The following TUBA1B variants were observed in gnomAD, a reference collection of about 807,000 sequenced individuals.
TUBA1B encodes tubulin alpha-1B chain.
Under a neutral mutation model 34.4 loss-of-function variants are expected in TUBA1B, and 1 was observed. The observed-to-expected ratio is 0.03, with a 90% CI of 0.01 to 0.14. TUBA1B has a LOEUF of 0.14. Ranked by LOEUF, TUBA1B falls within the 10% of genes least tolerant of loss-of-function variation. The probability of loss-of-function intolerance (pLI) is 1.00; values close to 1 mark genes in which losing one functional copy is unlikely to be tolerated. For synonymous variants in TUBA1B, 197 were observed against 212.5 expected, an observed-to-expected ratio of 0.93 and a Z score of 0.64; for missense variants, 54 against 583.6, an observed-to-expected ratio of 0.09 and a Z score of 9.35.
In TUBA1B at chr12:49,128,976, G is replaced by C; in HGVS notation, c.376-38C>G. On this transcript the variant is annotated intron_variant, in intron 3 of 3. Transcript: ENST00000336023. The surrounding 1 kb of genome is among the most constrained non-coding windows in gnomAD (Gnocchi z 8.1). Reference sequence around the variant, plus strand: ...AAAAAAATGTAATATTTTAATGCCAGGACACATTATCTTAGAATTTCTATT... The same window carrying C: ...AAAAAAATGTAATATTTTAATGCCACGACACATTATCTTAGAATTTCTATT... 2.6e-6 allele frequency: 4 copies of C among 1,562,388 alleles called. No individual in the cohort carries two copies. Among genetic ancestry groups the C allele is most frequent in the Non-Finnish European group, 3.5e-6 (4 of 1,158,556 alleles).
In TUBA1B at chr12:49,131,312, A is replaced by G. The variant is rs1485963994; in HGVS notation, c.-12T>C. The G allele has an allele frequency of 1.9e-6, 3 of 1,610,862 alleles. No individual in the cohort carries two copies. Among genetic ancestry groups the G allele is most frequent in the Non-Finnish European group, 2.5e-6 (3 of 1,178,764 alleles). On this transcript the variant is annotated 5_prime_UTR_variant, in exon 1 of 4. Coordinates refer to ENST00000336023, the MANE Select transcript of TUBA1B (RefSeq NM_006082.3). Reference sequence around the variant, plus strand: ...GGCTTACTCACCATAGTGGCTAGGGATTAGGAGGCGAAGGCGACAGGAGCA... The same window carrying G: ...GGCTTACTCACCATAGTGGCTAGGGGTTAGGAGGCGAAGGCGACAGGAGCA...
rs897102329 is a variant in TUBA1B at position 49,129,159 on chromosome 12, G to A, written c.375+83C>T. ...ATTCCACATTTTGGTAGGTGCCAAA[G>A]AATGAATGATGTCAGTCACTCCACC... On this transcript the variant is annotated intron_variant, in intron 3 of 3. Coordinates refer to ENST00000336023, the MANE Select transcript of TUBA1B (RefSeq NM_006082.3). 4.0e-4 allele frequency: 648 copies of A among 1,608,910 alleles called. 6 individuals are homozygous for A. The highest frequency in any genetic ancestry group is 7.3e-5 in the Non-Finnish European group (86 of 1,177,700).
chr12:49,129,972 A>C, intron 1 of TUBA1B: 1 of 994,604 alleles, frequency 1.0e-6, no homozygotes, highest in Non-Finnish European at 1.4e-6. Context: ...TGTGGAGATG[A>C]GGTCTGGCTG....
chr12:49,131,389 A>T lies in TUBA1B; in HGVS notation c.-89T>A. On this transcript the variant is annotated 5_prime_UTR_variant, in exon 1 of 4. Coordinates refer to ENST00000336023, the MANE Select transcript of TUBA1B (RefSeq NM_006082.3). The stretch of plus-strand genomic sequence containing the variant: ...GACAAGCTAAGAGTCGAGGTAAGTA[A>T]CGCACTAGGGCGGGGCCGGCGCTGG... 1 of 1,518,624 alleles carries T rather than the reference A, an allele frequency of 6.6e-7. No individual in the cohort carries two copies. The highest frequency in any genetic ancestry group is 9.0e-7 in the Non-Finnish European group (1 of 1,107,904). 94.1% of individuals were successfully genotyped at this position (1,518,624 alleles called of 1,614,324 possible). A position where few individuals can be genotyped will look rare whatever the true frequency, so the allele number is the denominator to read the frequency against.
chr12:49,130,559 C>G (rs577260982), intron 1 of TUBA1B: 257 of 353,312 alleles, frequency 7.3e-4, no homozygotes, highest in Admixed American at 2.4e-3. Flanking sequence ...ATCCGATTTC[C>G]GTTCCCTCAA....
At position 49,131,343 on chromosome 12, in the gene TUBA1B, CG is replaced by C; in HGVS notation, c.-44del. The C allele has an allele frequency of 6.2e-7, 1 of 1,608,200 alleles. No homozygotes were observed. Among genetic ancestry groups the C allele is most frequent in the East Asian group, 2.2e-5 (1 of 44,750 alleles). On this transcript the variant is annotated 5_prime_UTR_variant, in exon 1 of 4. Coordinates refer to ENST00000336023, the MANE Select transcript of TUBA1B (RefSeq NM_006082.3). The stretch of plus-strand genomic sequence containing the variant: ...AGGCGAAGGCGACAGGAGCAGACAC[CG>C]GGTCCCGGTTACCGTCCCCGACAAG...
chr12:49,129,320 A>G lies in TUBA1B; in HGVS notation c.297T>C (p.Ala99=). The G allele has an allele frequency of 6.2e-7, 1 of 1,614,234 alleles. No individual in the cohort carries two copies. The highest frequency in any genetic ancestry group is 8.5e-7 in the Non-Finnish European group (1 of 1,180,058). Residue 99 remains alanine (A), a synonymous_variant, in exon 3 of 4, where the codon GCT becomes GCC. Coordinates refer to ENST00000336023, the MANE Select transcript of TUBA1B (RefSeq NM_006082.3). ...PEQLITGKED[A]ANNYARGHYT... is the part of the protein sequence containing the mutation. ...AGTGCCCTCGGGCATAGTTATTGGCAGCATCTTCCTTGCCTGTGATGAGCT... is the reference window on the plus strand; with the variant it reads ...AGTGCCCTCGGGCATAGTTATTGGCGGCATCTTCCTTGCCTGTGATGAGCT...
At chr12:49,130,183 T>C in intron 1 of TUBA1B, 1 of 1,249,382 alleles carries the variant, frequency 8.0e-7, no homozygotes, top group Non-Finnish European at 1.0e-6. Context: ...GCTTCCTCCT[T>C]TGGAGGACCA....
intron 3 of TUBA1B, 126 bp from the exon 4 acceptor site, chr12:49,129,064 C>T: frequency 6.6e-7 from 1 of 1,517,138 alleles, no homozygotes. Flanking sequence ...GCAAAACAGA[C>T]ATATCCACAA....
Position 49,129,927 on chromosome 12 carries a change from C to A in TUBA1B, c.4-205G>T, listed in dbSNP as rs1941782226. The A allele has an allele frequency of 1.6e-5, 17 of 1,085,734 alleles. No homozygotes were observed. The South Asian group carries it at 2.8e-4, about 18-fold the overall frequency. 67.3% of individuals were successfully genotyped at this position (1,085,734 alleles called of 1,614,324 possible). A position where few individuals can be genotyped will look rare whatever the true frequency, so the allele number is the denominator to read the frequency against. On this transcript the variant is annotated intron_variant, in intron 1 of 3. Transcript: ENST00000336023. Reference sequence around the variant, plus strand: ...TCTGGAGCAGCTGGGACCACAGGCACAGACCACCAAGCTGGCTAATTTTTT... The same window carrying A: ...TCTGGAGCAGCTGGGACCACAGGCAAAGACCACCAAGCTGGCTAATTTTTT...
chr12:49,129,779 T>G, intron 1 of TUBA1B, 57 bp from the exon 2 acceptor site: 3 of 1,610,844 alleles, frequency 1.9e-6, no homozygotes, highest in Non-Finnish European at 2.5e-6. Context: ...GACTGTCAAG[T>G]GGAACAAAAT....
Position 49,127,891 on chromosome 12 carries a change from CTG to C in TUBA1B, c.*65_*66del. ...CAATCTAACCAGAAAGCTTTAACGT[CTG>C]TCAGTTAAGCTGAAGCTGAAATTCT... is the stretch of plus-strand genomic sequence containing the variant. On this transcript the variant is annotated 3_prime_UTR_variant, in exon 4 of 4. Coordinates refer to ENST00000336023, the MANE Select transcript of TUBA1B (RefSeq NM_006082.3). 1 of 1,610,670 alleles carries C rather than the reference CTG, an allele frequency of 6.2e-7. No individual in the cohort carries two copies. Among genetic ancestry groups the C allele is most frequent in the Non-Finnish European group, 8.5e-7 (1 of 1,177,606 alleles).
chr12:49,130,646 G>A (rs1941793112), intron 1 of TUBA1B: 2 of 335,120 alleles, frequency 6.0e-6, no homozygotes, highest in South Asian at 4.6e-5. Context: ...ACAGACTGTT[G>A]TGTACGAACT....
intron 1 of TUBA1B, chr12:49,130,121 T>TC: frequency 8.3e-7 from 1 of 1,199,010 alleles, no homozygotes; most frequent in South Asian, 1.5e-5. Context: ...AATGTTACCT[T>TC]CCCATCCTAA....
chr12:49,129,133 T>C (rs1941773384), intron 3 of TUBA1B, 109 bp downstream of exon 3: 2 of 1,595,238 alleles, frequency 1.3e-6, no homozygotes, highest in African/African-American at 1.3e-5. Context: ...GCAAGCAGCC[T>C]ATTCCACATT....
At chr12:49,129,906 G>A (rs1941781934) in intron 1 of TUBA1B, 184 bp from the exon 2 acceptor site, 1 of 1,171,848 alleles carries the variant, frequency 8.5e-7, no homozygotes. Flanking sequence ...TCAGCCTCTG[G>A]AGCAGCTGGG....
rs767206329 is a variant in TUBA1B, at chr12:49,128,126, G to A, written c.1188C>T (p.Asp396=). 6.2e-7 allele frequency: 1 copy of A among 1,614,174 alleles called. No homozygotes were observed. Among genetic ancestry groups the A allele is most frequent in the Non-Finnish European group, 8.5e-7 (1 of 1,180,042 alleles). Residue 396 remains aspartate (D), a synonymous_variant, in exon 4 of 4, where the codon GAC becomes GAT. Coordinates refer to ENST00000336023, the MANE Select transcript of TUBA1B (RefSeq NM_006082.3). The surrounding 1 kb of genome is among the most constrained non-coding windows in gnomAD (Gnocchi z 8.1). ...CAAAGGCACGCTTGGCATACATCAG[G>A]TCAAACTTGTGGTCCAGGCGAGCCC... ...EAWARLDHKF[D]LMYAKRAFVH...
chr12:49,130,322 C>T, intron 1 of TUBA1B: 1 of 1,289,234 alleles, frequency 7.8e-7, no homozygotes, highest in South Asian at 1.2e-5. Flanking sequence ...AAATGTCTGT[C>T]CGCAGGGACA....
At position 49,131,386 on chromosome 12, in the gene TUBA1B, G is replaced by C. The variant is rs898369963; in HGVS notation, c.-86C>G. 1 of 1,531,564 alleles carries C rather than the reference G, an allele frequency of 6.5e-7. No homozygotes were observed. The highest frequency in any genetic ancestry group is 1.4e-5 in the African/African-American group (1 of 73,308). 94.9% of individuals were successfully genotyped at this position (1,531,564 alleles called of 1,614,324 possible). On this transcript the variant is annotated 5_prime_UTR_variant, in exon 1 of 4. Transcript: ENST00000336023. ...CCCGACAAGCTAAGAGTCGAGGTAA[G>C]TAACGCACTAGGGCGGGGCCGGCGC...
Sources: allele counts gnomAD v4.1 joint callset, GRCh38; gene constraint gnomAD v4.1.1; non-coding constraint Gnocchi (gnomAD v3.1); transcripts MANE v1.5; gene names NCBI Gene and HGNC (gene_info 2026-07-23, HGNC 2026-07-21).